EPHX4: variants seen among roughly 807,000 people sequenced by gnomAD.
The protein encoded by EPHX4 is epoxide hydrolase 4.
A neutral mutation model predicts 44.9 loss-of-function variants in EPHX4; 31 were observed. That is an observed-to-expected ratio of 0.69 (90% CI 0.52 to 0.93). The LOEUF (loss-of-function observed/expected upper bound fraction) is 0.93, where lower values mean the gene tolerates loss of function less well. EPHX4 is among the 40% of genes least tolerant of loss of function. The pLI is 0.00. For synonymous variants in EPHX4, 151 were observed against 159.7 expected, an observed-to-expected ratio of 0.95 and a Z score of 0.41; for missense variants, 373 against 438.1, an observed-to-expected ratio of 0.85 and a Z score of 1.33.
chr1:92,032,688 CTT>C (rs1284530093), intron 2 of EPHX4, 98 bp downstream of exon 2: 6 of 1,030,026 alleles, frequency 5.8e-6, no homozygotes, highest in African/African-American at 1.6e-5. Flanking sequence ...GTCTGGGTAA[CTT>C]AAAATGAACA....
In EPHX4 at chr1:92,043,065, A is replaced by G. The variant is rs1570691443; in HGVS notation, c.475+85A>G. 8.8e-6 allele frequency: 10 copies of G among 1,140,890 alleles called. No homozygotes were observed. In the South Asian group the frequency reaches 1.7e-4, roughly 19 times the overall value. The allele number at this position is 1,140,890 out of a possible 1,614,324, so 70.7% of individuals were successfully genotyped here. ...ATCAATGACTTCTTTTCTTGGGAGG[A>G]TGCATATTCCATCTACCCAAATTAT... On this transcript the variant is annotated intron_variant, in intron 3 of 6. Transcript: ENST00000370383.
At chr1:92,035,920 A>T (rs1434320371) in intron 2 of EPHX4, among the ~76,000 whole-genome samples, 2 of 152,296 alleles carry the variant, frequency 1.3e-5, no homozygotes, top group Non-Finnish European at 2.9e-5. Context: ...TTTGAAAGTC[A>T]GGGCTGACCT....
At chr1:92,042,646 G>A (rs372081814) in intron 2 of EPHX4, among the ~76,000 whole-genome samples, 177 bp from the exon 3 acceptor site, 18 of 149,534 alleles carry the variant, frequency 1.2e-4, no homozygotes, top group African/African-American at 4.4e-4. Flanking sequence ...GATCACTTGA[G>A]CCAGGGAGGT....
chr1:92,032,675 A>G lies in EPHX4; in HGVS notation c.317+85A>G, dbSNP rs1228146655. Reference sequence around the variant, plus strand: ...TTTTGTGCTGCTGTAACAGAATATCACAGTCTGGGTAACTTAAAATGAACA... The same window carrying G: ...TTTTGTGCTGCTGTAACAGAATATCGCAGTCTGGGTAACTTAAAATGAACA... On this transcript the variant is annotated intron_variant, in intron 2 of 6. Coordinates refer to ENST00000370383, the MANE Select transcript of EPHX4 (RefSeq NM_173567.5). 4.5e-6 allele frequency: 5 copies of G among 1,109,510 alleles called. No individual in the cohort carries two copies. The Admixed American group carries it at 5.2e-5, about 11-fold the overall frequency. The allele number at this position is 1,109,510 out of a possible 1,614,324, so 68.7% of individuals were successfully genotyped here.
At chr1:92,031,884 A>G (rs1688367094) in intron 1 of EPHX4, among the ~76,000 whole-genome samples, 1 of 152,132 alleles carries the variant, frequency 6.6e-6, no homozygotes, top group African/African-American at 2.4e-5. Context: ...TCTTATTAGA[A>G]ACGCACACTG....
rs762123121 is a variant in EPHX4, at chr1:92,045,621, C to T, written c.565C>T (p.Leu189Phe). Residue 189 changes from leucine (L) to phenylalanine (F), a missense_variant, in exon 4 of 7, where the codon CTT (leucine) becomes TTT (phenylalanine). Coordinates refer to ENST00000370383, the MANE Select transcript of EPHX4 (RefSeq NM_173567.5). Reference protein sequence around the residue: ...AICYPEMVMKLIVINFPHPNV... With the variant: ...AICYPEMVMKFIVINFPHPNV... ...CTGTTATCCTGAAATGGTGATGAAG[C>T]TTATTGTTATTAACTTCCCTCATCC... The T allele has an allele frequency of 2.5e-6, 4 of 1,613,916 alleles. No individual in the cohort carries two copies. Among genetic ancestry groups the T allele is most frequent in the Non-Finnish European group, 3.4e-6 (4 of 1,179,906 alleles).
intron 6 of EPHX4, among the ~76,000 whole-genome samples, chr1:92,056,640 C>A (rs2391112): frequency 0.068 from 10,278 of 150,290 alleles, 602 homozygotes; most frequent in African/African-American, 0.16. Flanking sequence ...AATACACATT[C>A]TTTTCTTTTT....
intron 6 of EPHX4, among the ~76,000 whole-genome samples, chr1:92,061,870 A>G (rs1647505671): frequency 6.6e-6 from 1 of 152,152 alleles, no homozygotes; most frequent in African/African-American, 2.4e-5. Flanking sequence ...TTGATAATGG[A>G]ATTATAAATG....
Position 92,050,366 on chromosome 1 carries a change from C to T in EPHX4, c.654C>T (p.Tyr218=). 1 of 1,606,104 alleles carries T rather than the reference C, an allele frequency of 6.2e-7. No homozygotes were observed. The highest frequency in any genetic ancestry group is 1.1e-5 in the South Asian group (1 of 89,268). Residue 218 remains tyrosine (Y), a synonymous_variant, in exon 5 of 7, where the codon TAC becomes TAT. Transcript: ENST00000370383. ...AGCTGTTGAAATCCAGTTATTATTA[C>T]TTCTTCCAAATACCATGGTTCCCAG... is the stretch of plus-strand genomic sequence containing the variant. ...PAQLLKSSYY[Y]FFQIPWFPEF...
chr1:92,033,997 CTTTT>C (rs36075635), intron 2 of EPHX4, among the ~76,000 whole-genome samples: 4 of 109,156 alleles, frequency 3.7e-5, no homozygotes, highest in Admixed American at 1.1e-4. Flanking sequence ...CATGTTTAAA[CTTTT>C]TTTTTTTTTT....
chr1:92,041,214 G>C (rs1188262151), intron 2 of EPHX4, among the ~76,000 whole-genome samples: 1 of 151,952 alleles, frequency 6.6e-6, no homozygotes, highest in Non-Finnish European at 1.5e-5. Context: ...CCTTCTAATT[G>C]GTCAGTGCTG....
At chr1:92,049,824 C>T (rs1020457161) in intron 4 of EPHX4, among the ~76,000 whole-genome samples, 3 of 152,054 alleles carry the variant, frequency 2.0e-5, no homozygotes, top group East Asian at 1.9e-4. Context: ...TAAGACCAGG[C>T]GTGGTGGCTC....
At chr1:92,043,007 C>A in intron 3 of EPHX4, 27 bp downstream of exon 3, 1 of 1,534,128 alleles carries the variant, frequency 6.5e-7, no homozygotes, top group Non-Finnish European at 8.9e-7. Context: ...CAAAACAACT[C>A]TTTTTAAGGG....
chr1:92,049,900 C>G (rs1402915243), intron 4 of EPHX4, among the ~76,000 whole-genome samples: 1 of 152,004 alleles, frequency 6.6e-6, no homozygotes, highest in Non-Finnish European at 1.5e-5. Flanking sequence ...GAGTTCGAAA[C>G]CAGCCTGGCC....
At chr1:92,057,070 C>T (rs1013820562) in intron 6 of EPHX4, among the ~76,000 whole-genome samples, 9 of 151,596 alleles carry the variant, frequency 5.9e-5, no homozygotes, top group African/African-American at 9.7e-5. Flanking sequence ...ATAGCTTTAA[C>T]GGTTATATTA....
chr1:92,056,872 A>T (rs1462061391), intron 6 of EPHX4, among the ~76,000 whole-genome samples: 1 of 152,148 alleles, frequency 6.6e-6, no homozygotes, highest in African/African-American at 2.4e-5. Context: ...TACATAGATT[A>T]TTTTCTCTGA....
chr1:92,053,047 T>C (rs1376364427), intron 6 of EPHX4, among the ~76,000 whole-genome samples: 2 of 152,158 alleles, frequency 1.3e-5, no homozygotes, highest in Non-Finnish European at 2.9e-5. Context: ...CTAGATAAGG[T>C]CTCTGATCTC....
intron 6 of EPHX4, among the ~76,000 whole-genome samples, chr1:92,062,656 A>G (rs1410973786): frequency 6.6e-6 from 1 of 151,550 alleles, no homozygotes. Flanking sequence ...TTTAACTTAC[A>G]GCTTTTATTA....
At chr1:92,030,423 G>GC (rs1688340840) in intron 1 of EPHX4, 113 bp downstream of exon 1, 2 of 954,106 alleles carry the variant, frequency 2.1e-6, no homozygotes, top group African/African-American at 1.7e-5. Context: ...TAGTGTCCTG[G>GC]CAGGAGGGGA....
Sources: allele counts gnomAD v4.1 joint callset (sites outside exome capture counted in the v4.1 genomes callset), GRCh38; gene constraint gnomAD v4.1.1; transcripts MANE v1.5; gene names NCBI Gene and HGNC (gene_info 2026-07-23, HGNC 2026-07-21).